Variants in PDIA6 observed in about 807,000 individuals in gnomAD.
PDIA6 encodes the protein protein disulfide-isomerase A6.
A neutral mutation model predicts 58.4 loss-of-function variants in PDIA6; 29 were observed. That is an observed-to-expected ratio of 0.50 (90% CI 0.37 to 0.68). The LOEUF (loss-of-function observed/expected upper bound fraction) is 0.68, where lower values mean the gene tolerates loss of function less well. PDIA6 is among the 30% of genes least tolerant of loss of function. PDIA6 has a pLI of 0.00. For missense variants in PDIA6, 480 were observed against 551.0 expected, an observed-to-expected ratio of 0.87 and a Z score of 1.29; for synonymous variants, 192 against 202.6, an observed-to-expected ratio of 0.95 and a Z score of 0.44.
intron 2 of PDIA6, among the ~76,000 whole-genome samples, chr2:10,801,303 C>G (rs936821505): frequency 6.6e-6 from 1 of 152,084 alleles, no homozygotes; most frequent in Non-Finnish European, 1.5e-5. Flanking sequence ...TCTAATCAGA[C>G]ATTCAGTCAC....
At chr2:10,814,203 G>C (rs1667119976), upstream of PDIA6, among the ~76,000 whole-genome samples, 1 of 152,180 alleles carries the variant, frequency 6.6e-6, no homozygotes, top group South Asian at 2.1e-4. Context: ...GGGCCGGCTG[G>C]TGGGCTTCCT....
rs749158927 is a variant in PDIA6 at position 10,789,894 on chromosome 2, T to C, written c.700-5A>G. On this transcript the variant is annotated splice_region_variant and splice_polypyrimidine_tract_variant and intron_variant, in intron 7 of 12. Coordinates refer to ENST00000272227, the MANE Select transcript of PDIA6 (RefSeq NM_005742.4). ...GATTGTAGGAAATCCTCTAATCTAT[T>C]AAAAAAAGGTCAGAGGATAAAATCC... The C allele has an allele frequency of 1.3e-5, 21 of 1,606,320 alleles. No homozygotes were observed. In the South Asian group the frequency reaches 2.2e-4, roughly 17 times the overall value.
intron 1 of PDIA6, chr2:10,837,518 A>G (rs1178436984): frequency 4.2e-6 from 3 of 709,268 alleles, no homozygotes; most frequent in Non-Finnish European, 7.7e-6. Flanking sequence ...TATGCAGCAC[A>G]CTTACCACGA....
rs1184340997 is a variant in PDIA6 at position 10,784,296 on chromosome 2, C to T, written c.1285G>A (p.Asp429Asn). 1.2e-6 allele frequency: 2 copies of T among 1,613,576 alleles called. No individual in the cohort carries two copies. Among genetic ancestry groups the T allele is most frequent in the South Asian group, 1.1e-5 (1 of 90,964 alleles). ...LPVEDDIDLS[D>N]VELDDLGKDE... Reference sequence around the variant, plus strand: ...TTCCCTAAGTCATCAAGCTCCACATCACTGAGGTCAATGTCATCCTCCACG... The same window carrying T: ...TTCCCTAAGTCATCAAGCTCCACATTACTGAGGTCAATGTCATCCTCCACG... The change falls in exon 13 of 13, where the codon GAT (aspartate) becomes AAT (asparagine). Residue 429 changes from aspartate (D) to asparagine (N), a missense_variant. Transcript: ENST00000272227.
chr2:10,820,082 TTGTC>T (rs1211649749), intron 1 of PDIA6, among the ~76,000 whole-genome samples: 3 of 152,180 alleles, frequency 2.0e-5, no homozygotes, highest in African/African-American at 7.2e-5. Flanking sequence ...AGTGGCCTCA[TTGTC>T]TGGGGTAATA....
chr2:10,821,809 A>AG (rs1667403050), intron 1 of PDIA6, among the ~76,000 whole-genome samples: 1 of 152,034 alleles, frequency 6.6e-6, no homozygotes, highest in Non-Finnish European at 1.5e-5. Flanking sequence ...TTTTTTGTAG[A>AG]GACAGGACCT....
chr2:10,837,157 C>T (rs1048341464), upstream of PDIA6, among the ~76,000 whole-genome samples: 1 of 152,178 alleles, frequency 6.6e-6, no homozygotes, highest in Non-Finnish European at 1.5e-5. Context: ...CTCACTGTCA[C>T]CCCTCTCTGT....
chr2:10,817,452 T>A (rs1667231338), upstream of PDIA6, among the ~76,000 whole-genome samples: 1 of 152,210 alleles, frequency 6.6e-6, no homozygotes, highest in African/African-American at 2.4e-5. Flanking sequence ...GAGTGACTCT[T>A]GTTTTAGGGC....
upstream of PDIA6, among the ~76,000 whole-genome samples, chr2:10,816,077 C>CTTTT (rs57404091): frequency 0.2 from 19,169 of 95,540 alleles, 2,923 homozygotes; most frequent in East Asian, 0.49. Flanking sequence ...AATCATTTGT[C>CTTTT]TTTTTTTTTT....
chr2:10,808,517 CAT>C (rs1409617543), intron 1 of PDIA6, among the ~76,000 whole-genome samples: 2 of 152,286 alleles, frequency 1.3e-5, no homozygotes, highest in East Asian at 3.9e-4. Context: ...GAGAGGAAGA[CAT>C]ATGCAGTGGG....
intron 11 of PDIA6, among the ~76,000 whole-genome samples, chr2:10,786,203 A>C (rs1004925345): frequency 1.3e-5 from 2 of 152,062 alleles, no homozygotes; most frequent in Non-Finnish European, 2.9e-5. Flanking sequence ...GGCGCCTGTA[A>C]TCCCAGCTAC....
upstream of PDIA6, among the ~76,000 whole-genome samples, chr2:10,816,304 C>T (rs1478520306): frequency 6.6e-6 from 1 of 151,316 alleles, no homozygotes; most frequent in Non-Finnish European, 1.5e-5. Flanking sequence ...AGGCTGGTCT[C>T]GAACTCCCAG....
rs551908623 is a variant in PDIA6, at chr2:10,811,476, G to A, written c.19+1202C>T. On this transcript the variant is annotated intron_variant, in intron 1 of 12. Coordinates refer to ENST00000272227, the MANE Select transcript of PDIA6 (RefSeq NM_005742.4). ...GGAAACCCTGCACTCCAGCCTAGGA[G>A]ACAGAGCAAGACCGTGTCTCAAAAA... is the stretch of plus-strand genomic sequence containing the variant. Among the ~76,000 whole-genome samples the A allele has an allele frequency of 2.0e-4, 31 of 152,356 alleles. 1 individual carries two copies. In the East Asian group the frequency reaches 5.2e-3, roughly 26 times the overall value.
At chr2:10,802,766 C>T in intron 1 of PDIA6, 126 bp from the exon 2 acceptor site, 1 of 586,628 alleles carries the variant, frequency 1.7e-6, no homozygotes, top group East Asian at 3.4e-5. Flanking sequence ...TAGCTCTGGC[C>T]CCTCTGCCCT....
rs753038166 is a variant in PDIA6, at chr2:10,787,364, G to A, written c.1074C>T (p.Ala358=). 5 of 1,614,164 alleles carry A rather than the reference G, an allele frequency of 3.1e-6. No individual in the cohort carries two copies. The highest frequency in any genetic ancestry group is 4.5e-5 in the East Asian group (2 of 44,876). ...ALGIGGFGYP[A]MAAINARKMK... is the part of the protein sequence containing the mutation. The stretch of plus-strand genomic sequence containing the variant: ...TCTTGCGTGCATTGATGGCGGCCAT[G>A]GCGGGGTACCCAAACCCTCCAATCC... Residue 358 remains alanine (A), a synonymous_variant, in exon 11 of 13, where the codon GCC becomes GCT. Transcript: ENST00000272227.
At chr2:10,784,844 G>C in intron 12 of PDIA6, 90 bp downstream of exon 12, 1 of 947,854 alleles carries the variant, frequency 1.1e-6, no homozygotes. Context: ...AGGTCTGATG[G>C]GAAGGACTTG....
upstream of PDIA6, among the ~76,000 whole-genome samples, chr2:10,815,977 C>T (rs573934666): frequency 2.0e-4 from 31 of 152,176 alleles, no homozygotes; most frequent in Admixed American, 1.8e-3. Flanking sequence ...AGCAGTAACT[C>T]CCCCTTCCCT....
chr2:10,819,251 C>A, intron 2 of PDIA6: 1 of 1,423,832 alleles, frequency 7.0e-7, no homozygotes, highest in Non-Finnish European at 9.7e-7. Context: ...GAGGCTCCTA[C>A]TCTGGGAGTT....
intron 12 of PDIA6, chr2:10,784,662 T>G (rs1365141576): frequency 1.8e-5 from 9 of 509,954 alleles, no homozygotes; most frequent in Non-Finnish European, 3.1e-5. Context: ...GTAAATGAAT[T>G]CCAGGTTAAA....
Sources: allele counts gnomAD v4.1 joint callset (sites outside exome capture counted in the v4.1 genomes callset), GRCh38; gene constraint gnomAD v4.1.1; transcripts MANE v1.5; gene names NCBI Gene and HGNC (gene_info 2026-07-23, HGNC 2026-07-21).